The following RANBP2 variants were observed in gnomAD, a reference collection of about 807,000 sequenced individuals.
The protein encoded by RANBP2 is E3 SUMO-protein ligase RanBP2.
In RANBP2, 57 loss-of-function variants were observed where a neutral mutation model predicts 303.6. The observed-to-expected ratio is 0.19, with a 90% CI of 0.15 to 0.23. The LOEUF (loss-of-function observed/expected upper bound fraction) is 0.23. RANBP2 is among the 10% of genes least tolerant of loss of function. The pLI, the probability that RANBP2 is intolerant of heterozygous loss-of-function variation, is 1.00. For synonymous variants in RANBP2, 1,167 were observed against 1,301.5 expected (o/e 0.90, Z 2.23); for missense variants, 3,138 against 3,780.8 (o/e 0.83, Z 4.46).
chr2:108,826,228 A>G, the RANBP2 span, among the ~76,000 whole-genome samples: 1 of 152,178 alleles, frequency 6.6e-6, no homozygotes, highest in Non-Finnish European at 1.5e-5. Flanking sequence ...CTTTCTGGAT[A>G]GTATCCTTTG....
chr2:109,419,454 G>T, the RANBP2 span: 1,969 of 1,382,268 alleles, frequency 1.4e-3, 21 homozygotes, highest in African/African-American at 0.022. Flanking sequence ...ACAGGCACCT[G>T]TGGATGCAGC....
At chr2:109,478,721 AG>A in the RANBP2 span, among the ~76,000 whole-genome samples, 1 of 152,198 alleles carries the variant, frequency 6.6e-6, no homozygotes, top group South Asian at 2.1e-4. Flanking sequence ...CTGAGCTCGT[AG>A]GTAAGATCTT....
chr2:109,481,393 T>C, the RANBP2 span, among the ~76,000 whole-genome samples: 4 of 151,978 alleles, frequency 2.6e-5, no homozygotes, highest in African/African-American at 9.7e-5. Context: ...TCTGGCAGCG[T>C]TCCTGCCCAC....
chr2:109,659,581 T>G, the RANBP2 span, among the ~76,000 whole-genome samples: 1 of 152,274 alleles, frequency 6.6e-6, no homozygotes, highest in East Asian at 1.9e-4. Flanking sequence ...GGCTGGGGGC[T>G]GGACAGCCCC....
At chr2:108,817,901 T>A in the RANBP2 span, among the ~76,000 whole-genome samples, 11 of 152,326 alleles carry the variant, frequency 7.2e-5, no homozygotes, top group Non-Finnish European at 1.5e-4. Flanking sequence ...TAGAATTTTG[T>A]CTCTTAGTAC....
chr2:108,870,069 A>G, the RANBP2 span, among the ~76,000 whole-genome samples: 1 of 152,244 alleles, frequency 6.6e-6, no homozygotes, highest in Non-Finnish European at 1.5e-5. Context: ...TACATGAGCA[A>G]AATTTCTCAG....
chr2:109,515,597 G>A, the RANBP2 span, among the ~76,000 whole-genome samples: 3 of 152,068 alleles, frequency 2.0e-5, no homozygotes, highest in South Asian at 2.1e-4. Context: ...CCCCAAACTC[G>A]GCCATGGCTA....
At chr2:109,249,223 G>A in the RANBP2 span, among the ~76,000 whole-genome samples, 3 of 152,220 alleles carry the variant, frequency 2.0e-5, no homozygotes, top group East Asian at 5.8e-4. Flanking sequence ...ACTCCCCCCC[G>A]ACTCCTACCC....
chr2:109,264,477 G>T, the RANBP2 span, among the ~76,000 whole-genome samples: 1 of 152,260 alleles, frequency 6.6e-6, no homozygotes, highest in Non-Finnish European at 1.5e-5. Context: ...TATATGTCCT[G>T]CTGGGCTTCT....
the RANBP2 span, among the ~76,000 whole-genome samples, chr2:109,645,034 GC>G: frequency 1.3e-5 from 2 of 152,156 alleles, no homozygotes; most frequent in African/African-American, 4.8e-5. Flanking sequence ...CGACTGTGTG[GC>G]CCCCAGCAAC....
At chr2:109,659,932 G>A in the RANBP2 span, among the ~76,000 whole-genome samples, 1 of 152,176 alleles carries the variant, frequency 6.6e-6, no homozygotes, top group Non-Finnish European at 1.5e-5. Context: ...AGCAAAGTTG[G>A]GGCACAAGAT....
chr2:108,973,622 G>A, the RANBP2 span, among the ~76,000 whole-genome samples: 2 of 152,316 alleles, frequency 1.3e-5, no homozygotes, highest in South Asian at 4.1e-4. Flanking sequence ...GCTGCCTCCG[G>A]AAGAACAGAA....
At chr2:109,224,772 G>A in the RANBP2 span, among the ~76,000 whole-genome samples, 13 of 152,248 alleles carry the variant, frequency 8.5e-5, no homozygotes, top group East Asian at 9.6e-4. Flanking sequence ...CATTAGAATC[G>A]CTTGAAACCT....
chr2:108,989,421 A>G, the RANBP2 span: 5,957 of 152,112 alleles, frequency 0.039, 159 homozygotes, highest in Non-Finnish European at 0.064. Context: ...TTTTTTTTGC[A>G]GGGGTGGGGG....
the RANBP2 span, among the ~76,000 whole-genome samples, chr2:109,344,034 A>G: frequency 1.3e-5 from 2 of 152,006 alleles, no homozygotes; most frequent in African/African-American, 2.4e-5. Flanking sequence ...GTGAGCCACC[A>G]TACCCGTCCC....
At chr2:108,752,839 G>C (rs1301434342) in intron 12 of RANBP2, among the ~76,000 whole-genome samples, 159 bp from the exon 13 acceptor site, 4 of 151,834 alleles carry the variant, frequency 2.6e-5, no homozygotes, top group African/African-American at 7.2e-5. Context: ...GTGTTAAGGT[G>C]GTTTAGTTAT....
chr2:109,677,816 G>A, the RANBP2 span, among the ~76,000 whole-genome samples: 2 of 152,214 alleles, frequency 1.3e-5, no homozygotes, highest in Non-Finnish European at 2.9e-5. Context: ...CTGTTGAGAT[G>A]ATACAGTTTT....
chr2:109,321,704 GC>G, the RANBP2 span, among the ~76,000 whole-genome samples: 1 of 152,164 alleles, frequency 6.6e-6, no homozygotes, highest in Non-Finnish European at 1.5e-5. Flanking sequence ...GTCAACCCTG[GC>G]CCCCTGCCGT....
At chr2:108,870,504 A>G in the RANBP2 span, among the ~76,000 whole-genome samples, 2 of 152,256 alleles carry the variant, frequency 1.3e-5, no homozygotes, top group Non-Finnish European at 2.9e-5. Context: ...CAAATCAAAG[A>G]AACTCAAGGA....
Sources: allele counts gnomAD v4.1 joint callset (sites outside exome capture counted in the v4.1 genomes callset), GRCh38; gene constraint gnomAD v4.1.1; transcripts MANE v1.5; gene names NCBI Gene and HGNC (gene_info 2026-07-23, HGNC 2026-07-21).